NRDC: variants seen among roughly 807,000 people sequenced by gnomAD.
The protein encoded by NRDC is nardilysin.
Under a neutral mutation model 147.1 loss-of-function variants are expected in NRDC, and 54 were observed. The observed-to-expected ratio is 0.37, with a 90% CI of 0.29 to 0.46. The LOEUF is 0.46. NRDC is among the 20% of genes least tolerant of loss of function. NRDC has a pLI of 1.00. For synonymous variants in NRDC, 440 were observed against 482.1 expected (o/e 0.91, Z 1.14); for missense variants, 1,082 against 1,370.6 (o/e 0.79, Z 3.33).
Position 51,878,704 on chromosome 1 carries a change from G to A in NRDC, c.-89C>T, listed in dbSNP as rs551109511. The A allele has an allele frequency of 2.7e-5, 32 of 1,200,324 alleles. No individual in the cohort carries two copies. In the African/African-American group the frequency reaches 3.9e-4, roughly 15 times the overall value. 74.4% of individuals were successfully genotyped at this position (1,200,324 alleles called of 1,614,324 possible). A position where few individuals can be genotyped will look rare whatever the true frequency, so the allele number is the denominator to read the frequency against. On this transcript the variant is annotated 5_prime_UTR_variant, in exon 1 of 31. Transcript: ENST00000352171. ...GGCGGTGGCGGCCGGCCCTGGTGCT[G>A]CCGCAGCCGCGGGGAACAGGCCTGA...
chr1:51,849,955 G>T (rs1238127297), intron 1 of NRDC, among the ~76,000 whole-genome samples: 1 of 152,130 alleles, frequency 6.6e-6, no homozygotes, highest in Non-Finnish European at 1.5e-5. Flanking sequence ...AAGGCAGGCA[G>T]ATCACTTGAG....
At chr1:51,875,721 C>T (rs1683292147) in intron 1 of NRDC, among the ~76,000 whole-genome samples, 1 of 149,496 alleles carries the variant, frequency 6.7e-6, no homozygotes, top group Non-Finnish European at 1.5e-5. Context: ...CCACACCCGG[C>T]TAATTTTTTG....
chr1:51,855,668 C>A (rs946918086), intron 1 of NRDC, among the ~76,000 whole-genome samples: 1 of 151,890 alleles, frequency 6.6e-6, no homozygotes, highest in East Asian at 1.9e-4. Flanking sequence ...AAAATATGTG[C>A]TATACAGCCT....
intron 4 of NRDC, among the ~76,000 whole-genome samples, chr1:51,831,916 A>G (rs1302284192): frequency 6.6e-6 from 1 of 152,028 alleles, no homozygotes; most frequent in Non-Finnish European, 1.5e-5. Context: ...CAACAGAGTG[A>G]GACTGTCTCC....
intron 7 of NRDC, among the ~76,000 whole-genome samples, chr1:51,821,757 G>A (rs1680216804): frequency 6.6e-6 from 1 of 152,136 alleles, no homozygotes; most frequent in Non-Finnish European, 1.5e-5. Flanking sequence ...ACAGAATTTT[G>A]TGAGACCCCT....
intron 1 of NRDC, among the ~76,000 whole-genome samples, chr1:51,873,936 C>T (rs1357571727): frequency 6.6e-6 from 1 of 151,796 alleles, no homozygotes; most frequent in Admixed American, 6.6e-5. Context: ...CACCTGTAAT[C>T]CCAGCACTTT....
chr1:51,865,407 C>T (rs563217754), intron 1 of NRDC, among the ~76,000 whole-genome samples: 21 of 151,788 alleles, frequency 1.4e-4, no homozygotes, highest in African/African-American at 4.8e-4. Flanking sequence ...CGGGTTCAAG[C>T]GATACTCCCA....
Position 51,825,354 on chromosome 1 carries a change from T to G in NRDC, c.969A>C (p.Ala323=). 1.9e-6 allele frequency: 3 copies of G among 1,590,710 alleles called. No individual in the cohort carries two copies. Among genetic ancestry groups the G allele is most frequent in the Non-Finnish European group, 2.6e-6 (3 of 1,174,450 alleles). Residue 323 remains alanine, a synonymous_variant, in exon 6 of 31, where the codon GCA becomes GCC. Coordinates refer to ENST00000352171, the MANE Select transcript of NRDC (RefSeq NM_001101662.2). ...TTCCAAACAACATTTCCTTTCTGTT[T>G]GCATCAGAAGGCCTTGCAAGTTGAT... ...SEYQLARPSD[A]NRKEMLFGSL... is the part of the protein sequence containing the mutation.
At chr1:51,806,662 A>T (rs1571852149) in intron 18 of NRDC, 132 bp downstream of exon 18, 1 of 828,942 alleles carries the variant, frequency 1.2e-6, no homozygotes, top group Non-Finnish European at 1.9e-6. Context: ...AAGGTGGCTG[A>T]TAGAGGCACC....
At position 51,874,999 on chromosome 1, in the gene NRDC, C is replaced by T. The variant is rs141861511; in HGVS notation, c.341+3276G>A. ...TATGATGCTATGTACTGTAATGGAT[C>T]GTGCACAAAATCCTACTGAAATACA... On this transcript the variant is annotated intron_variant, in intron 1 of 30. Coordinates refer to ENST00000352171, the MANE Select transcript of NRDC (RefSeq NM_001101662.2). Among the ~76,000 whole-genome samples, 1,439 of 152,208 alleles carry T rather than the reference C, an allele frequency of 9.5e-3. 12 individuals carry two copies. The highest frequency in any genetic ancestry group is 0.016 in the Non-Finnish European group (1,058 of 68,036).
At chr1:51,862,668 A>G (rs116640729) in intron 1 of NRDC, among the ~76,000 whole-genome samples, 2,723 of 151,904 alleles carry the variant, frequency 0.018, 81 homozygotes, top group African/African-American at 0.063. Context: ...GGCTGCAGTG[A>G]GCCATGATCA....
chr1:51,790,155 A>T (rs899870741), intron 29 of NRDC, among the ~76,000 whole-genome samples: 2 of 152,218 alleles, frequency 1.3e-5, no homozygotes, highest in Non-Finnish European at 2.9e-5. Context: ...CATAGGTTTT[A>T]CTACTTTGGA....
At chr1:51,856,570 C>A (rs1682253524) in intron 1 of NRDC, among the ~76,000 whole-genome samples, 1 of 152,144 alleles carries the variant, frequency 6.6e-6, no homozygotes, top group Non-Finnish European at 1.5e-5. Context: ...TAAAGAGATG[C>A]ACAGAGTGAG....
chr1:51,798,556 T>G, intron 21 of NRDC, 145 bp from the exon 22 acceptor site: 1 of 655,562 alleles, frequency 1.5e-6, no homozygotes, highest in Non-Finnish European at 2.5e-6. Flanking sequence ...GGGAAAACAG[T>G]ATCAGATTAA....
At chr1:51,853,239 AT>A (rs1022600374) in intron 1 of NRDC, among the ~76,000 whole-genome samples, 1 of 150,374 alleles carries the variant, frequency 6.7e-6, no homozygotes, top group African/African-American at 2.4e-5. Flanking sequence ...ATATATATAT[AT>A]TATATAAAAG....
intron 2 of NRDC, among the ~76,000 whole-genome samples, chr1:51,836,688 T>C (rs1294287748): frequency 1.3e-5 from 2 of 152,146 alleles, no homozygotes; most frequent in Admixed American, 1.3e-4. Context: ...TTAGAAAATT[T>C]TGTTAAGATA....
At chr1:51,845,461 C>A (rs1336147224) in intron 1 of NRDC, among the ~76,000 whole-genome samples, 1 of 152,146 alleles carries the variant, frequency 6.6e-6, no homozygotes, top group Admixed American at 6.5e-5. Flanking sequence ...TGTGTGGTGG[C>A]ATACGCCTGT....
chr1:51,873,058 TG>T (rs1329708684), intron 1 of NRDC, among the ~76,000 whole-genome samples: 1 of 152,136 alleles, frequency 6.6e-6, no homozygotes, highest in Non-Finnish European at 1.5e-5. Flanking sequence ...GTGTGTGAAA[TG>T]AAACACACAC....
At chr1:51,799,173 G>GT (rs1557899296) in intron 21 of NRDC, 1 of 152,106 alleles carries the variant, frequency 6.6e-6, no homozygotes, top group African/African-American at 2.4e-5. Flanking sequence ...GCTATTCACC[G>GT]TATCAATGGT....
Sources: gnomAD v4.1 joint callset for allele counts (sites outside exome capture counted in the v4.1 genomes callset) on GRCh38, gnomAD v4.1.1 for gene constraint, MANE v1.5 for transcripts, NCBI Gene and HGNC (gene_info 2026-07-23, HGNC 2026-07-21) for gene names.